Variants in FRMD5 observed in about 807,000 individuals in gnomAD.
FRMD5 encodes the protein FERM domain containing 5.
Under a neutral mutation model 69.0 loss-of-function variants are expected in FRMD5, and 20 were observed. The observed-to-expected ratio is 0.29, with a 90% CI of 0.20 to 0.42. The LOEUF (loss-of-function observed/expected upper bound fraction) is 0.42. Among genes scored for constraint, FRMD5 ranks in the 10% least tolerant of loss-of-function variants. The pLI, the probability that FRMD5 is intolerant of heterozygous loss-of-function variation, is 1.00. For missense variants in FRMD5, 595 were observed against 708.6 expected (o/e 0.84, Z 1.82); for synonymous variants, 271 against 260.1 (o/e 1.04, Z -0.40).
chr15:43,903,982 A>G (rs1312940974), intron 6 of FRMD5, among the ~76,000 whole-genome samples: 1 of 152,160 alleles, frequency 6.6e-6, no homozygotes, highest in Non-Finnish European at 1.5e-5. Context: ...ATTCCCTAAC[A>G]GAGTGACTTG....
At chr15:44,070,725 A>C (rs1343643227) in intron 1 of FRMD5, among the ~76,000 whole-genome samples, 1 of 152,208 alleles carries the variant, frequency 6.6e-6, no homozygotes, top group East Asian at 1.9e-4. Context: ...TTCCTGCATG[A>C]AAGGAATCAC....
chr15:43,889,750 C>G (rs1414568626), intron 8 of FRMD5, among the ~76,000 whole-genome samples: 1 of 152,206 alleles, frequency 6.6e-6, no homozygotes, highest in East Asian at 1.9e-4. Flanking sequence ...CTCCTCACTT[C>G]CCTTCTATCT....
intron 1 of FRMD5, among the ~76,000 whole-genome samples, chr15:44,113,536 T>C (rs1054772615): frequency 2.0e-5 from 3 of 152,258 alleles, no homozygotes; most frequent in African/African-American, 4.8e-5. Flanking sequence ...CTCTGGCATT[T>C]ATCCTTTGTG....
chr15:44,181,099 G>A (rs2077992658), intron 1 of FRMD5, among the ~76,000 whole-genome samples: 1 of 152,118 alleles, frequency 6.6e-6, no homozygotes, highest in South Asian at 2.1e-4. Context: ...GAGTACAGTG[G>A]TCTGATGACA....
In FRMD5 at chr15:43,873,725, C is replaced by T. The variant is rs1182904055; in HGVS notation, c.*160G>A. On this transcript the variant is annotated 3_prime_UTR_variant, in exon 14 of 14. Coordinates refer to ENST00000417257, the MANE Select transcript of FRMD5 (RefSeq NM_032892.5). ...AGACAGGGCATGAGCCTATCCCTTTCTTCTTCTGGGAAACACCCTCCTAGG... is the reference window on the plus strand; with the variant it reads ...AGACAGGGCATGAGCCTATCCCTTTTTTCTTCTGGGAAACACCCTCCTAGG... 3.3e-6 allele frequency: 5 copies of T among 1,515,676 alleles called. No homozygotes were observed. In the African/African-American group the frequency reaches 7.0e-5, roughly 21 times the overall value. The allele number at this position is 1,515,676 out of a possible 1,614,324, so 93.9% of individuals were successfully genotyped here.
chr15:44,095,093 T>C (rs973426415), intron 1 of FRMD5, among the ~76,000 whole-genome samples: 20 of 151,998 alleles, frequency 1.3e-4, no homozygotes, highest in African/African-American at 2.4e-5. Context: ...TCTAGAGCAT[T>C]TGAAAACATA....
At position 44,176,793 on chromosome 15, in the gene FRMD5, G is replaced by A. The variant is rs965544358; in HGVS notation, c.102+18160C>T. Among the ~76,000 whole-genome samples the A allele has an allele frequency of 5.9e-5, 9 of 152,150 alleles. No individual in the cohort carries two copies. The East Asian group carries it at 9.6e-4, about 16-fold the overall frequency. On this transcript the variant is annotated intron_variant, in intron 1 of 13. Transcript: ENST00000417257. ...TACGAAAAGATGCTCAACATATTTA[G>A]TCATTTGGTAAATGCAAATCAAAAC...
Position 44,110,891 on chromosome 15 carries a change from C to T in FRMD5, c.102+84062G>A, listed in dbSNP as rs372640512. ...TTTGAAAAGTGCTTGCCTATTATTG[C>T]CCTTTTCTATCACTAATAGCTGATT... On this transcript the variant is annotated intron_variant, in intron 1 of 13. Coordinates refer to ENST00000417257, the MANE Select transcript of FRMD5 (RefSeq NM_032892.5). Among the ~76,000 whole-genome samples, 132 of 152,192 alleles carry T rather than the reference C, an allele frequency of 8.7e-4. 1 individual carries two copies. Among genetic ancestry groups the T allele is most frequent in the African/African-American group, 3.0e-3 (126 of 41,526 alleles).
chr15:44,109,166 A>G (rs564086324), intron 1 of FRMD5, among the ~76,000 whole-genome samples: 94 of 151,990 alleles, frequency 6.2e-4, no homozygotes, highest in African/African-American at 2.2e-3. Flanking sequence ...TAATTTTTTA[A>G]TTTCTAAAAT....
At chr15:43,954,267 G>A (rs148263933) in intron 1 of FRMD5, among the ~76,000 whole-genome samples, 102 of 152,322 alleles carry the variant, frequency 6.7e-4, no homozygotes, top group Non-Finnish European at 1.3e-3. Context: ...GCTTCTGCCT[G>A]TTTGCTTACC....
At chr15:44,166,304 G>A (rs1366374760) in intron 1 of FRMD5, among the ~76,000 whole-genome samples, 2 of 152,086 alleles carry the variant, frequency 1.3e-5, no homozygotes, top group Non-Finnish European at 2.9e-5. Flanking sequence ...GATGATGATG[G>A]TGGTGGTGAT....
chr15:44,055,069 CAAAA>C (rs1024472194), intron 1 of FRMD5, among the ~76,000 whole-genome samples: 14 of 56,206 alleles, frequency 2.5e-4, no homozygotes, highest in Non-Finnish European at 4.6e-4. Flanking sequence ...GACTCTGTCT[CAAAA>C]AAAAAAAAAA....
At chr15:44,190,753 G>T (rs1258693385) in intron 1 of FRMD5, among the ~76,000 whole-genome samples, 1 of 152,110 alleles carries the variant, frequency 6.6e-6, no homozygotes, top group Non-Finnish European at 1.5e-5. Flanking sequence ...TTGTTTTCAG[G>T]AATAAGAAAA....
chr15:43,951,973 G>GTC (rs1193661956), intron 1 of FRMD5, among the ~76,000 whole-genome samples: 1 of 117,844 alleles, frequency 8.5e-6, no homozygotes, highest in Non-Finnish European at 1.6e-5. Flanking sequence ...GTGTGTGTGT[G>GTC]TGTGTGTTGT....
At chr15:44,165,691 C>T (rs2077697460) in intron 1 of FRMD5, among the ~76,000 whole-genome samples, 1 of 151,880 alleles carries the variant, frequency 6.6e-6, no homozygotes, top group African/African-American at 2.4e-5. Context: ...CAAAAATTAG[C>T]CAGGTGGGTG....
chr15:44,058,958 T>C (rs1892982789), intron 1 of FRMD5, among the ~76,000 whole-genome samples: 1 of 152,162 alleles, frequency 6.6e-6, no homozygotes, highest in Admixed American at 6.5e-5. Context: ...ATATAGTAAC[T>C]TTATTTCTGT....
At position 43,873,259 on chromosome 15, in the gene FRMD5, C is replaced by CCAA. The variant is rs1156292284; in HGVS notation, c.*623_*625dup. ...TGAAAAAACAAAAGGAAAAGAAAAT[C>CCAA]CAACTCAGACCATCATAAGAAGCAA... is the stretch of plus-strand genomic sequence containing the variant. On this transcript the variant is annotated 3_prime_UTR_variant, in exon 14 of 14. Transcript: ENST00000417257. The CCAA allele has an allele frequency of 3.1e-5, 48 of 1,544,706 alleles. No homozygotes were observed. The highest frequency in any genetic ancestry group is 4.1e-5 in the African/African-American group (3 of 72,584).
intron 10 of FRMD5, among the ~76,000 whole-genome samples, chr15:43,887,547 A>C (rs1299911289): frequency 6.6e-6 from 1 of 152,256 alleles, no homozygotes; most frequent in Non-Finnish European, 1.5e-5. Context: ...TAAGTAATTC[A>C]GAATGCCTGT....
At chr15:43,991,273 T>G (rs1349850501) in intron 1 of FRMD5, among the ~76,000 whole-genome samples, 1 of 152,186 alleles carries the variant, frequency 6.6e-6, no homozygotes. Flanking sequence ...CCTCTCCAGC[T>G]AAAGGGCATT....
Sources: allele counts gnomAD v4.1 joint callset (sites outside exome capture counted in the v4.1 genomes callset), GRCh38; gene constraint gnomAD v4.1.1; transcripts MANE v1.5; gene names NCBI Gene and HGNC (gene_info 2026-07-23, HGNC 2026-07-21).